Variants in COP1 observed in about 807,000 individuals in gnomAD.
COP1 encodes the protein COP1 E3 ubiquitin ligase.
COP1 carries 24 observed loss-of-function variants against 101.3 expected under a neutral mutation model. That is an observed-to-expected ratio of 0.24 (90% CI 0.17 to 0.33). The LOEUF (loss-of-function observed/expected upper bound fraction) is 0.33. Ranked by LOEUF, COP1 falls within the 10% of genes least tolerant of loss-of-function variation. COP1 has a pLI of 1.00. For missense variants in COP1, 663 were observed against 906.2 expected (o/e 0.73, Z 3.45); for synonymous variants, 347 against 341.9 (o/e 1.01, Z -0.17).
At chr1:176,183,290 G>C (rs1325993617) in intron 2 of COP1, among the ~76,000 whole-genome samples, 1 of 152,138 alleles carries the variant, frequency 6.6e-6, no homozygotes, top group Non-Finnish European at 1.5e-5. Flanking sequence ...TTACGGGCCT[G>C]ATTTCAATAT....
At chr1:176,066,662 A>AGCT (rs1242813391) in intron 11 of COP1, among the ~76,000 whole-genome samples, 1 of 152,214 alleles carries the variant, frequency 6.6e-6, no homozygotes, top group Non-Finnish European at 1.5e-5. Context: ...TTTAAAGACC[A>AGCT]GCTCTGCAGG....
intron 3 of COP1, among the ~76,000 whole-genome samples, chr1:176,168,961 CTCTT>C (rs557048267): frequency 9.2e-5 from 14 of 152,270 alleles, no homozygotes; most frequent in African/African-American, 3.4e-4. Flanking sequence ...TGGTTTCCAA[CTCTT>C]TCTTTTCATC....
intron 18 of COP1, among the ~76,000 whole-genome samples, chr1:175,956,331 A>G (rs1413191650): frequency 6.6e-6 from 1 of 152,166 alleles, no homozygotes; most frequent in East Asian, 1.9e-4. Flanking sequence ...TACAGAAAAA[A>G]GTAAACTTCA....
chr1:176,009,878 G>GC lies in COP1; in HGVS notation c.1729+17693_1729+17694insG, dbSNP rs1491110726. Among the ~76,000 whole-genome samples the GC allele has an allele frequency of 7.7e-3, 34 of 4,400 alleles. No individual in the cohort carries two copies. The Admixed American group carries it at 0.17, about 22-fold the overall frequency. The allele number at this position is 4,400 out of a possible 152,430, so 2.9% of individuals were successfully genotyped here. A position where few individuals can be genotyped will look rare whatever the true frequency, so the allele number is the denominator to read the frequency against. On this transcript the variant is annotated intron_variant, in intron 15 of 19. Coordinates refer to ENST00000367669, the MANE Select transcript of COP1 (RefSeq NM_022457.7). ...GTTAAGTTATAAGTTTAGGTTACTTGGGGGGGGGGGGTCCGCAATAATTTT... is the reference window on the plus strand; with the variant it reads ...GTTAAGTTATAAGTTTAGGTTACTTGCGGGGGGGGGGGTCCGCAATAATTTT...
chr1:175,978,753 G>A (rs1437808745), intron 18 of COP1, among the ~76,000 whole-genome samples: 1 of 151,994 alleles, frequency 6.6e-6, no homozygotes, highest in Non-Finnish European at 1.5e-5. Flanking sequence ...AGAAAAGAAA[G>A]GAAAGATAAA....
rs60951470 is a variant in COP1 at position 176,088,253 on chromosome 1, TAA to T, written c.1027-2365_1027-2364del. Among the ~76,000 whole-genome samples the T allele has an allele frequency of 6.9e-3, 1,033 of 149,612 alleles. 10 individuals carry two copies. Among genetic ancestry groups the T allele is most frequent in the African/African-American group, 0.024 (965 of 40,154 alleles). On this transcript the variant is annotated intron_variant, in intron 9 of 19. Coordinates refer to ENST00000367669, the MANE Select transcript of COP1 (RefSeq NM_022457.7). ...ATGTACCCTAGAACTTAAAGTATCA[TAA>T]AAAAAAAAAGAATGAGCTGCTGATA...
At chr1:175,998,189 T>A (rs1163377451) in intron 15 of COP1, among the ~76,000 whole-genome samples, 1 of 150,474 alleles carries the variant, frequency 6.6e-6, no homozygotes, top group African/African-American at 2.5e-5. Context: ...GAAATCATCA[T>A]TCTCAGTAAA....
At chr1:176,086,872 C>T (rs1371665601) in intron 9 of COP1, among the ~76,000 whole-genome samples, 1 of 152,176 alleles carries the variant, frequency 6.6e-6, no homozygotes, top group African/African-American at 2.4e-5. Context: ...TACAAGGCTA[C>T]AGTAACCAAA....
intron 11 of COP1, among the ~76,000 whole-genome samples, chr1:176,060,838 T>C (rs1674709311): frequency 6.6e-6 from 1 of 152,158 alleles, no homozygotes; most frequent in Non-Finnish European, 1.5e-5. Context: ...AGAAACCCAT[T>C]TTGTGTTTCT....
intron 5 of COP1, among the ~76,000 whole-genome samples, chr1:176,157,060 G>A (rs1201432531): frequency 1.3e-5 from 2 of 151,778 alleles, no homozygotes; most frequent in African/African-American, 4.8e-5. Context: ...TAGCCGAGGG[G>A]GGTGGTGTGT....
At chr1:176,069,439 G>T (rs1676587817) in intron 11 of COP1, among the ~76,000 whole-genome samples, 1 of 152,126 alleles carries the variant, frequency 6.6e-6, no homozygotes, top group Non-Finnish European at 1.5e-5. Context: ...TTATTGACTT[G>T]CCACAAGCAT....
At position 176,080,636 on chromosome 1, in the gene COP1, T is replaced by C. The variant is rs1572109183; in HGVS notation, c.1277+516A>G. ...AATAATAAGGCAATATTATGAATAATTGTACGCCAATAAGTTCAACAGCCC... is the reference window on the plus strand; with the variant it reads ...AATAATAAGGCAATATTATGAATAACTGTACGCCAATAAGTTCAACAGCCC... On this transcript the variant is annotated intron_variant, in intron 11 of 19. Coordinates refer to ENST00000367669, the MANE Select transcript of COP1 (RefSeq NM_022457.7). 1.3e-5 allele frequency among the ~76,000 whole-genome samples: 2 copies of C among 152,302 alleles called. 1 individual carries two copies. The highest frequency in any genetic ancestry group is 4.1e-4 in the South Asian group (2 of 4,828).
intron 14 of COP1, among the ~76,000 whole-genome samples, chr1:176,029,825 T>C (rs773201370): frequency 6.6e-6 from 1 of 152,238 alleles, no homozygotes; most frequent in African/African-American, 2.4e-5. Flanking sequence ...AAGAATTTAA[T>C]ATGTGAAATC....
intron 14 of COP1, among the ~76,000 whole-genome samples, chr1:176,042,263 T>C: frequency 1.2e-5 from 1 of 85,190 alleles, no homozygotes; most frequent in African/African-American, 4.3e-5. Context: ...ACAGCGAAAC[T>C]CTATCTCAAA....
intron 9 of COP1, among the ~76,000 whole-genome samples, chr1:176,111,574 T>G (rs1213488845): frequency 1.3e-4 from 20 of 152,348 alleles, no homozygotes; most frequent in Non-Finnish European, 2.9e-5. Context: ...ATTACAGGCG[T>G]GAGCCACCAC....
At chr1:176,064,991 T>C (rs1192759877) in intron 11 of COP1, among the ~76,000 whole-genome samples, 1 of 152,158 alleles carries the variant, frequency 6.6e-6, no homozygotes, top group Non-Finnish European at 1.5e-5. Context: ...CCTATTGCAA[T>C]TACTCTCCCC....
chr1:176,158,294 T>C (rs1293811716), intron 5 of COP1, among the ~76,000 whole-genome samples: 2 of 152,146 alleles, frequency 1.3e-5, no homozygotes, highest in Non-Finnish European at 2.9e-5. Context: ...TATACTTATA[T>C]GGAGTACCTT....
intron 15 of COP1, among the ~76,000 whole-genome samples, chr1:176,009,755 T>G (rs986340862): frequency 6.6e-6 from 1 of 152,104 alleles, no homozygotes; most frequent in African/African-American, 2.4e-5. Flanking sequence ...TTATTAATAA[T>G]TAGAATTTGT....
intron 9 of COP1, among the ~76,000 whole-genome samples, chr1:176,090,212 CCT>C (rs988221824): frequency 4.6e-5 from 7 of 152,070 alleles, no homozygotes; most frequent in Admixed American, 6.6e-5. Flanking sequence ...GTTCCCACCC[CCT>C]GTCCCTGCCT....
Sources: allele counts gnomAD v4.1 joint callset (sites outside exome capture counted in the v4.1 genomes callset), GRCh38; gene constraint gnomAD v4.1.1; transcripts MANE v1.5; gene names NCBI Gene and HGNC (gene_info 2026-07-23, HGNC 2026-07-21).